Variants in PPP3CA observed in about 807,000 individuals in gnomAD.
PPP3CA encodes the protein CAM-PRP catalytic subunit.
Under a neutral mutation model 66.5 loss-of-function variants are expected in PPP3CA, and 14 were observed. The ratio of observed to expected loss-of-function variants is 0.21; its 90% CI spans 0.14 to 0.33. The LOEUF (loss-of-function observed/expected upper bound fraction) is 0.33, where lower values mean the gene tolerates loss of function less well. Ranked by LOEUF, PPP3CA falls within the 10% of genes least tolerant of loss-of-function variation. PPP3CA has a pLI of 1.00. For synonymous variants in PPP3CA, 232 were observed against 226.2 expected (o/e 1.03, Z -0.23); for missense variants, 317 against 639.5 (o/e 0.50, Z 5.44).
chr4:101,299,117 T>TTG (rs1053436368), intron 1 of PPP3CA, among the ~76,000 whole-genome samples: 1 of 144,210 alleles, frequency 6.9e-6, no homozygotes, highest in African/African-American at 2.6e-5. Flanking sequence ...TTTTTTTTTT[T>TTG]TTTTTTTTTT....
At chr4:101,099,080 C>A (rs988954048) in intron 4 of PPP3CA, among the ~76,000 whole-genome samples, 7 of 151,640 alleles carry the variant, frequency 4.6e-5, no homozygotes, top group Non-Finnish European at 8.8e-5. Flanking sequence ...ATACATAAAA[C>A]AAAAATGTAA....
intron 1 of PPP3CA, chr4:101,330,520 G>T: frequency 2.1e-6 from 1 of 481,258 alleles, no homozygotes. Context: ...TATGTACATT[G>T]CTTTTTTAAA....
At chr4:101,061,621 C>T (rs959033152) in intron 9 of PPP3CA, among the ~76,000 whole-genome samples, 1 of 151,970 alleles carries the variant, frequency 6.6e-6, no homozygotes, top group Non-Finnish European at 1.5e-5. Flanking sequence ...GTGTTTAATA[C>T]AAACTGTTGA....
At chr4:101,278,835 T>C (rs1727593298) in intron 1 of PPP3CA, among the ~76,000 whole-genome samples, 1 of 152,202 alleles carries the variant, frequency 6.6e-6, no homozygotes, top group Non-Finnish European at 1.5e-5. Context: ...CCCGTGGACA[T>C]CTGGCCCCCT....
At chr4:101,206,740 C>G (rs943066950) in intron 1 of PPP3CA, among the ~76,000 whole-genome samples, 8 of 152,134 alleles carry the variant, frequency 5.3e-5, no homozygotes, top group African/African-American at 1.7e-4. Context: ...ATTGTCTTTT[C>G]CCCATCTCAC....
chr4:101,124,935 G>A (rs1373736927), intron 2 of PPP3CA, among the ~76,000 whole-genome samples: 1 of 152,148 alleles, frequency 6.6e-6, no homozygotes, highest in African/African-American at 2.4e-5. Context: ...ATTAATTGAT[G>A]CACTTTACAT....
chr4:101,050,755 A>C (rs1727973525), intron 10 of PPP3CA, among the ~76,000 whole-genome samples: 1 of 152,208 alleles, frequency 6.6e-6, no homozygotes, highest in Non-Finnish European at 1.5e-5. Context: ...CATTCAAAAA[A>C]TAAATGTGCC....
At chr4:101,195,094 G>A (rs1420137258) in intron 2 of PPP3CA, among the ~76,000 whole-genome samples, 2 of 151,966 alleles carry the variant, frequency 1.3e-5, no homozygotes, top group East Asian at 3.9e-4. Context: ...CCAACGTGGT[G>A]AAACACCATC....
intron 1 of PPP3CA, among the ~76,000 whole-genome samples, chr4:101,216,666 T>C (rs1179197449): frequency 6.6e-6 from 1 of 152,078 alleles, no homozygotes; most frequent in Non-Finnish European, 1.5e-5. Context: ...GCCTCCTGAG[T>C]AGCTGGGACT....
At chr4:101,120,370 T>C (rs902267326) in intron 2 of PPP3CA, among the ~76,000 whole-genome samples, 2 of 151,994 alleles carry the variant, frequency 1.3e-5, no homozygotes, top group African/African-American at 2.4e-5. Flanking sequence ...GATGTAGATA[T>C]AAACAATGGT....
intron 1 of PPP3CA, among the ~76,000 whole-genome samples, chr4:101,292,100 AC>A (rs1728047485): frequency 2.7e-5 from 4 of 150,536 alleles, no homozygotes; most frequent in Non-Finnish European, 5.9e-5. Context: ...ACACACACAC[AC>A]ACACACACAC....
intron 2 of PPP3CA, among the ~76,000 whole-genome samples, chr4:101,148,404 C>T (rs140792354): frequency 1.3e-5 from 2 of 152,142 alleles, no homozygotes; most frequent in East Asian, 3.9e-4. Flanking sequence ...CGTAGTTAGG[C>T]TGTTTATTTA....
At chr4:101,058,563 C>A (rs918492968) in intron 10 of PPP3CA, among the ~76,000 whole-genome samples, 5 of 152,152 alleles carry the variant, frequency 3.3e-5, no homozygotes, top group South Asian at 2.1e-4. Context: ...GAAAAAAATT[C>A]TTCCAAGGAC....
chr4:101,335,755 A>G (rs1729610181), intron 1 of PPP3CA, among the ~76,000 whole-genome samples: 1 of 152,144 alleles, frequency 6.6e-6, no homozygotes, highest in African/African-American at 2.4e-5. Context: ...GCATGAGGAC[A>G]CAGAAGGGCA....
intron 8 of PPP3CA, among the ~76,000 whole-genome samples, chr4:101,074,364 A>G (rs1040344237): frequency 1.3e-5 from 2 of 152,194 alleles, no homozygotes; most frequent in African/African-American, 2.4e-5. Flanking sequence ...GCAGATATCT[A>G]TAAGTTTGTG....
intron 1 of PPP3CA, among the ~76,000 whole-genome samples, chr4:101,276,909 G>T (rs1156951236): frequency 2.0e-5 from 3 of 151,746 alleles, no homozygotes; most frequent in Non-Finnish European, 4.4e-5. Context: ...TTACATTGAG[G>T]TTCATTCTTT....
intron 1 of PPP3CA, among the ~76,000 whole-genome samples, chr4:101,341,075 G>A (rs1729798061): frequency 6.6e-6 from 1 of 151,890 alleles, no homozygotes; most frequent in Non-Finnish European, 1.5e-5. Flanking sequence ...GCTAAAAACA[G>A]AAATATAAAA....
At chr4:101,205,947 G>A (rs575213712) in intron 1 of PPP3CA, among the ~76,000 whole-genome samples, 1 of 152,146 alleles carries the variant, frequency 6.6e-6, no homozygotes, top group African/African-American at 2.4e-5. Context: ...ACCCTCCAGA[G>A]AGCCAAGGGC....
intron 10 of PPP3CA, among the ~76,000 whole-genome samples, chr4:101,049,635 T>C (rs1035414330): frequency 6.6e-6 from 1 of 151,808 alleles, no homozygotes; most frequent in East Asian, 1.9e-4. Context: ...ACGTGATAAG[T>C]GCTGGAAGAA....
Sources: allele counts gnomAD v4.1 joint callset (sites outside exome capture counted in the v4.1 genomes callset), GRCh38; gene constraint gnomAD v4.1.1; transcripts MANE v1.5; gene names NCBI Gene and HGNC (gene_info 2026-07-23, HGNC 2026-07-21).